The following DDX42 variants were observed in gnomAD, a reference collection of about 807,000 sequenced individuals.
DDX42 encodes DEAD-box helicase 42, also known as ATP-dependent RNA helicase DDX42.
Under a neutral mutation model 101.5 loss-of-function variants are expected in DDX42, and 22 were observed. That is an observed-to-expected ratio of 0.22 (90% CI 0.15 to 0.31). DDX42 has a LOEUF of 0.31. Ranked by LOEUF, DDX42 falls within the 10% of genes least tolerant of loss-of-function variation. The pLI is 1.00. For synonymous variants in DDX42, 402 were observed against 401.2 expected (o/e 1.00, Z -0.02); for missense variants, 849 against 1,199.9 (o/e 0.71, Z 4.32).
At chr17:63,811,793 C>G (rs959967924) in intron 13 of DDX42, 139 bp from the exon 14 acceptor site, 2 of 1,128,138 alleles carry the variant, frequency 1.8e-6, no homozygotes, top group South Asian at 1.4e-5. Context: ...TTGAGCTGCA[C>G]TTGACTTGCT....
intron 16 of DDX42, 109 bp from the exon 17 acceptor site, chr17:63,816,759 C>T: frequency 3.0e-6 from 2 of 668,768 alleles, no homozygotes; most frequent in Non-Finnish European, 4.6e-6. Flanking sequence ...TAAAAGTATC[C>T]AGTTCCTTTG....
intron 6 of DDX42, among the ~76,000 whole-genome samples, chr17:63,803,732 C>T (rs1245045480): frequency 6.6e-6 from 1 of 151,712 alleles, no homozygotes; most frequent in East Asian, 2.0e-4. Context: ...CTGCAACCTC[C>T]TCCTCCTCCC....
intron 5 of DDX42, 95 bp from the exon 6 acceptor site, chr17:63,800,372 TG>T: frequency 1.7e-6 from 2 of 1,183,612 alleles, no homozygotes; most frequent in South Asian, 3.1e-5. Context: ...GTATGTTAAC[TG>T]TGCAATTATC....
intron 1 of DDX42, among the ~76,000 whole-genome samples, chr17:63,781,818 G>T (rs1490322957): frequency 6.7e-6 from 1 of 150,138 alleles, no homozygotes; most frequent in African/African-American, 2.5e-5. Context: ...AGACCATCCT[G>T]GCTAACATGG....
intron 10 of DDX42, 100 bp downstream of exon 10, chr17:63,809,048 G>A: frequency 1.3e-6 from 2 of 1,506,234 alleles, no homozygotes; most frequent in African/African-American, 1.4e-5. Flanking sequence ...GTAAAAGCAG[G>A]GTTGAAAATA....
intron 3 of DDX42, among the ~76,000 whole-genome samples, chr17:63,795,634 T>C (rs2039684291): frequency 6.6e-6 from 1 of 152,210 alleles, no homozygotes; most frequent in South Asian, 2.1e-4. Context: ...CCAGCCTCTG[T>C]ATTGTAATTT....
intron 3 of DDX42, 99 bp downstream of exon 3, chr17:63,792,661 A>AT: frequency 7.1e-5 from 93 of 1,319,060 alleles, no homozygotes; most frequent in Non-Finnish European, 8.8e-5. Flanking sequence ...TTCTAGTCTT[A>AT]TTATTTTTTT....
intron 2 of DDX42, among the ~76,000 whole-genome samples, chr17:63,790,536 G>A (rs925389177): frequency 1.3e-5 from 2 of 152,260 alleles, no homozygotes; most frequent in Middle Eastern, 3.4e-3. Flanking sequence ...CGAGGCGGGC[G>A]GATCGCCTGA....
chr17:63,795,431 A>AT (rs2039681385), intron 3 of DDX42, among the ~76,000 whole-genome samples: 1 of 152,220 alleles, frequency 6.6e-6, no homozygotes. Context: ...GTAACCTCAA[A>AT]TTCCTAGGCT....
intron 1 of DDX42, chr17:63,775,028 T>C (rs1423758258): frequency 1.3e-5 from 2 of 152,662 alleles, no homozygotes; most frequent in Admixed American, 6.5e-5. Context: ...TAGGCAGTTA[T>C]CCAATTTCTT....
rs188480784 is a variant in DDX42 at position 63,811,286 on chromosome 17, T to G, written c.1398+113T>G. 428 of 790,182 alleles carry G rather than the reference T, an allele frequency of 5.4e-4. 1 individual carries two copies. The African/African-American group carries it at 6.9e-3, about 13-fold the overall frequency. The allele number at this position is 790,182 out of a possible 1,614,324, so 48.9% of individuals were successfully genotyped here. On this transcript the variant is annotated intron_variant, in intron 13 of 17. Transcript: ENST00000389924. The stretch of plus-strand genomic sequence containing the variant: ...AAAAAAAAGATGTTATGTTTATAGA[T>G]GCAACATGCTTGAGATTGGGTATTT...
intron 1 of DDX42, among the ~76,000 whole-genome samples, chr17:63,778,967 G>A (rs902836594): frequency 4.6e-5 from 7 of 152,180 alleles, no homozygotes; most frequent in Middle Eastern, 3.4e-3. Flanking sequence ...GCGGGTATAC[G>A]TGAGGGATGT....
intron 13 of DDX42, 50 bp downstream of exon 13, chr17:63,811,223 T>TTA (rs1183417712): frequency 7.6e-7 from 1 of 1,309,596 alleles, no homozygotes; most frequent in African/African-American, 1.5e-5. Context: ...ATTTCTCATA[T>TTA]TATGGAACAC....
chr17:63,804,647 G>T (rs1011171347), intron 6 of DDX42, among the ~76,000 whole-genome samples: 1 of 152,134 alleles, frequency 6.6e-6, no homozygotes, highest in African/African-American at 2.4e-5. Flanking sequence ...CTTCAATGTT[G>T]TTCAAATTCG....
intron 3 of DDX42, among the ~76,000 whole-genome samples, chr17:63,792,958 T>C (rs1365655087): frequency 6.6e-6 from 1 of 152,216 alleles, no homozygotes; most frequent in Non-Finnish European, 1.5e-5. Context: ...TTAAATGTTA[T>C]TTCTTCATCA....
intron 8 of DDX42, 104 bp from the exon 9 acceptor site, chr17:63,807,620 T>C: frequency 9.2e-7 from 1 of 1,088,282 alleles, no homozygotes; most frequent in East Asian, 2.4e-5. Flanking sequence ...TTTTGTTCCA[T>C]TGCAAATAAA....
chr17:63,783,720 A>G (rs1194795095), intron 1 of DDX42, among the ~76,000 whole-genome samples: 6 of 152,010 alleles, frequency 3.9e-5, no homozygotes, highest in Non-Finnish European at 8.8e-5. Flanking sequence ...GACAGTTTCT[A>G]TCTGGAGTTA....
chr17:63,812,269 TACATA>T (rs1168713922), intron 14 of DDX42, 61 bp downstream of exon 14: 1 of 1,538,964 alleles, frequency 6.5e-7, no homozygotes, highest in African/African-American at 1.4e-5. Context: ...TCTGTCTTAC[TACATA>T]AGACCTATAA....
intron 1 of DDX42, among the ~76,000 whole-genome samples, chr17:63,775,513 A>C (rs578239301): frequency 6.6e-6 from 1 of 152,190 alleles, no homozygotes; most frequent in Non-Finnish European, 1.5e-5. Flanking sequence ...AATTTGCAAT[A>C]AAGTGGTCAG....
Sources: allele counts gnomAD v4.1 joint callset (sites outside exome capture counted in the v4.1 genomes callset), GRCh38; gene constraint gnomAD v4.1.1; transcripts MANE v1.5; gene names NCBI Gene and HGNC (gene_info 2026-07-23, HGNC 2026-07-21).